Variants in LYPLAL1 observed in about 807,000 individuals in gnomAD.
LYPLAL1 encodes lysophospholipase-like protein 1.
A neutral mutation model predicts 19.7 loss-of-function variants in LYPLAL1; 23 were observed. The observed-to-expected ratio is 1.17, with a 90% CI of 0.84 to 1.65. LYPLAL1 has a LOEUF of 1.65. Ranked by LOEUF, LYPLAL1 falls within the 40% of genes most tolerant of loss-of-function variation. The pLI, the probability that LYPLAL1 is intolerant of heterozygous loss-of-function variation, is 0.00. For missense variants in LYPLAL1, 355 were observed against 279.4 expected, an observed-to-expected ratio of 1.27 and a Z score of -1.93; for synonymous variants, 119 against 96.3, an observed-to-expected ratio of 1.24 and a Z score of -1.38.
chr1:219,181,049 C>T (rs1656233739), intron 2 of LYPLAL1, among the ~76,000 whole-genome samples: 1 of 152,030 alleles, frequency 6.6e-6, no homozygotes, highest in Non-Finnish European at 1.5e-5. Flanking sequence ...TTTAAATGTT[C>T]TTGATACCAC....
the LYPLAL1 span, among the ~76,000 whole-genome samples, chr1:219,302,702 G>A: frequency 6.6e-6 from 1 of 152,196 alleles, no homozygotes; most frequent in Non-Finnish European, 1.5e-5. Flanking sequence ...CTCATTAAGA[G>A]TTAGTTTCTT....
At chr1:219,191,334 A>G (rs1558229534) in intron 2 of LYPLAL1, among the ~76,000 whole-genome samples, 1 of 151,612 alleles carries the variant, frequency 6.6e-6, no homozygotes, top group Admixed American at 6.6e-5. Flanking sequence ...TAGTGGCTAA[A>G]AGCTGGGTAC....
chr1:219,433,122 A>T, the LYPLAL1 span, among the ~76,000 whole-genome samples: 1 of 152,126 alleles, frequency 6.6e-6, no homozygotes, highest in Non-Finnish European at 1.5e-5. Context: ...GCTGAAGGAC[A>T]TCCTGTTTCT....
Position 219,193,237 on chromosome 1 carries a change from A to AT in LYPLAL1, c.347_348insT (p.Arg117GlnfsTer20). 1 of 1,609,382 alleles carries AT rather than the reference A, an allele frequency of 6.2e-7. No homozygotes were observed. Among genetic ancestry groups the AT allele is most frequent in the Non-Finnish European group, 8.5e-7 (1 of 1,177,052 alleles). Reference sequence around the variant, plus strand: ...GAAGTAAAAAGTGGCATCAAGAAGAACAGGATATTAATAGGTAAGACCTTT... The same window carrying AT: ...GAAGTAAAAAGTGGCATCAAGAAGAATCAGGATATTAATAGGTAAGACCTTT... On this transcript the variant is annotated frameshift_variant, in exon 3 of 5. Coordinates refer to ENST00000366928, the MANE Select transcript of LYPLAL1 (RefSeq NM_138794.5). LOFTEE classifies it high-confidence loss of function.
chr1:219,277,541 A>T, the LYPLAL1 span, among the ~76,000 whole-genome samples: 1 of 152,172 alleles, frequency 6.6e-6, no homozygotes, highest in African/African-American at 2.4e-5. Flanking sequence ...GTATACTAGG[A>T]TCAGCAGTTC....
the LYPLAL1 span, among the ~76,000 whole-genome samples, chr1:219,241,008 C>T: frequency 6.0e-5 from 9 of 150,442 alleles, no homozygotes; most frequent in Admixed American, 3.3e-4. Flanking sequence ...CTGCAGTGAA[C>T]TATGATCATG....
the LYPLAL1 span, among the ~76,000 whole-genome samples, chr1:219,390,388 T>A: frequency 6.6e-6 from 1 of 152,136 alleles, no homozygotes; most frequent in Non-Finnish European, 1.5e-5. Flanking sequence ...AAAAATCTCA[T>A]TAAATAACCA....
chr1:219,322,800 T>A, the LYPLAL1 span, among the ~76,000 whole-genome samples: 1 of 152,336 alleles, frequency 6.6e-6, no homozygotes, highest in South Asian at 2.1e-4. Flanking sequence ...CATCAATGTG[T>A]GTTCAAAGTA....
At chr1:219,380,691 G>C in the LYPLAL1 span, among the ~76,000 whole-genome samples, 1 of 152,190 alleles carries the variant, frequency 6.6e-6, no homozygotes, top group Non-Finnish European at 1.5e-5. Flanking sequence ...TCCTTGATCT[G>C]GTTAAAGAAG....
At chr1:219,216,661 G>A (rs1256713836), downstream of LYPLAL1, among the ~76,000 whole-genome samples, 1 of 152,010 alleles carries the variant, frequency 6.6e-6, no homozygotes, top group Non-Finnish European at 1.5e-5. Context: ...CTGATGACTA[G>A]TACTCTACTG....
the LYPLAL1 span, among the ~76,000 whole-genome samples, chr1:219,259,479 T>C: frequency 6.6e-6 from 1 of 150,870 alleles, no homozygotes; most frequent in Non-Finnish European, 1.5e-5. Context: ...AAAGAGATAA[T>C]GGCATTTAGG....
chr1:219,329,711 G>C, the LYPLAL1 span, among the ~76,000 whole-genome samples: 1 of 152,246 alleles, frequency 6.6e-6, no homozygotes. Context: ...ATGCTTAATG[G>C]GAGTGAGAGG....
chr1:219,397,401 G>C, the LYPLAL1 span, among the ~76,000 whole-genome samples: 4 of 152,240 alleles, frequency 2.6e-5, no homozygotes, highest in African/African-American at 9.6e-5. Flanking sequence ...GTCATTGCTA[G>C]GTATCAGGGT....
At chr1:219,439,273 T>C in the LYPLAL1 span, among the ~76,000 whole-genome samples, 1 of 152,116 alleles carries the variant, frequency 6.6e-6, no homozygotes, top group Non-Finnish European at 1.5e-5. Context: ...ATACCTCTAT[T>C]AGAGCACAGA....
chr1:219,231,008 G>A, the LYPLAL1 span, among the ~76,000 whole-genome samples: 1 of 152,154 alleles, frequency 6.6e-6, no homozygotes, highest in African/African-American at 2.4e-5. Flanking sequence ...TTGTCAAAAT[G>A]TAATTATATA....
the LYPLAL1 span, among the ~76,000 whole-genome samples, chr1:219,243,900 C>T: frequency 0.012 from 1,533 of 130,692 alleles, 31 homozygotes; most frequent in African/African-American, 0.039. Flanking sequence ...GCCTGGGGGA[C>T]GAGAGCAAAA....
the LYPLAL1 span, among the ~76,000 whole-genome samples, chr1:219,376,096 T>A: frequency 6.6e-6 from 1 of 152,188 alleles, no homozygotes; most frequent in African/African-American, 2.4e-5. Context: ...AATAGTGTGG[T>A]ACTGGTAAAA....
At chr1:219,329,042 A>C in the LYPLAL1 span, among the ~76,000 whole-genome samples, 1 of 152,126 alleles carries the variant, frequency 6.6e-6, no homozygotes, top group Non-Finnish European at 1.5e-5. Flanking sequence ...TAAATTTATT[A>C]ATGTAAATAT....
the LYPLAL1 span, among the ~76,000 whole-genome samples, chr1:219,439,079 T>A: frequency 6.6e-5 from 10 of 152,250 alleles, no homozygotes; most frequent in African/African-American, 2.4e-4. Context: ...TCAAACTCAT[T>A]TCTGAACTAT....
Sources: allele counts gnomAD v4.1 joint callset (sites outside exome capture counted in the v4.1 genomes callset), GRCh38; gene constraint gnomAD v4.1.1; transcripts MANE v1.5; gene names NCBI Gene and HGNC (gene_info 2026-07-23, HGNC 2026-07-21).